Variants in DRC11L observed in about 807,000 individuals in gnomAD.
DRC11L encodes the protein dynein regulatory complex subunit like-11.
the DRC11L span, among the ~76,000 whole-genome samples, chr7:151,199,984 C>T: frequency 6.6e-6 from 1 of 152,222 alleles, no homozygotes; most frequent in Non-Finnish European, 1.5e-5. This position sits in a 1 kb window ranked among gnomAD's most constrained non-coding sequence, Gnocchi z 5.2. Context: ...CCCCACCCAA[C>T]ACAGCCCCTG....
the DRC11L span, chr7:151,196,502 G>A: frequency 4.9e-4 from 197 of 399,598 alleles, no homozygotes; most frequent in East Asian, 6.3e-3. Context: ...GGAGGGTCTC[G>A]GAGTCATAAT....
the DRC11L span, chr7:151,196,890 C>T: frequency 8.8e-4 from 350 of 398,996 alleles, 1 homozygote; most frequent in African/African-American, 6.3e-3. Context: ...CTTCATGGTC[C>T]GTGTGCAGAC....
the DRC11L span, among the ~76,000 whole-genome samples, chr7:151,195,014 G>T: frequency 6.6e-6 from 1 of 152,160 alleles, no homozygotes; most frequent in African/African-American, 2.4e-5. Context: ...ACGTCAAGTC[G>T]CTTGTGAGCT....
chr7:151,197,256 T>C, the DRC11L span: 1 of 399,566 alleles, frequency 2.5e-6, no homozygotes. Context: ...TTTCATCCTT[T>C]CCTTTTTCCT....
the DRC11L span, chr7:151,204,773 C>A: frequency 3.3e-5 from 13 of 398,974 alleles, no homozygotes; most frequent in Non-Finnish European, 5.7e-5. Context: ...CGAGCAGAAG[C>A]TGCTCTTGGT....
At chr7:151,194,132 G>A in the DRC11L span, 1 of 389,050 alleles carries the variant, frequency 2.6e-6, no homozygotes, top group Admixed American at 4.5e-5. Context: ...GGCAGGGCAG[G>A]AGGACCTGGG....
chr7:151,199,057 C>T, the DRC11L span: 1 of 398,748 alleles, frequency 2.5e-6, no homozygotes, highest in East Asian at 3.6e-5. This position sits in a 1 kb window ranked among gnomAD's most constrained non-coding sequence, Gnocchi z 5.2. Flanking sequence ...AACCAGCAAC[C>T]AGTCTGGATG....
chr7:151,202,100 G>A, the DRC11L span, among the ~76,000 whole-genome samples: 5 of 152,338 alleles, frequency 3.3e-5, no homozygotes, highest in African/African-American at 1.2e-4. Flanking sequence ...TTTCTGCAGT[G>A]AGGTGAGACA....
chr7:151,200,392 G>A, the DRC11L span: 1 of 399,016 alleles, frequency 2.5e-6, no homozygotes, highest in South Asian at 1.3e-4. Flanking sequence ...CCATGCCAAT[G>A]AACTCCATCT....
the DRC11L span, among the ~76,000 whole-genome samples, chr7:151,199,594 C>T: frequency 6.6e-6 from 1 of 152,160 alleles, no homozygotes. The surrounding 1 kb of genome is among the most constrained non-coding windows in gnomAD (Gnocchi z 5.2). Context: ...CACTCCCACA[C>T]AGCAGCCCCT....
chr7:151,192,226 G>A, the DRC11L span: 1 of 398,982 alleles, frequency 2.5e-6, no homozygotes, highest in Admixed American at 4.4e-5. Flanking sequence ...TGGGGCGGGA[G>A]GTGGGCAGGC....
At chr7:151,191,290 T>C in the DRC11L span, among the ~76,000 whole-genome samples, 1 of 152,072 alleles carries the variant, frequency 6.6e-6, no homozygotes, top group Non-Finnish European at 1.5e-5. Flanking sequence ...CCCTCTTCCC[T>C]CCACACCTGC....
At chr7:151,202,906 GT>G in the DRC11L span, 1 of 399,724 alleles carries the variant, frequency 2.5e-6, no homozygotes, top group African/African-American at 2.1e-5. Flanking sequence ...GGCACCTAGG[GT>G]TACCTTCTGT....
the DRC11L span, among the ~76,000 whole-genome samples, chr7:151,199,620 C>T: frequency 1.3e-5 from 2 of 152,138 alleles, no homozygotes; most frequent in Non-Finnish European, 2.9e-5. This position sits in a 1 kb window ranked among gnomAD's most constrained non-coding sequence, Gnocchi z 5.2. Context: ...CTCCTTCCTC[C>T]CAAGGCTCCA....
At chr7:151,198,802 A>T in the DRC11L span, 1 of 399,074 alleles carries the variant, frequency 2.5e-6, no homozygotes, top group Non-Finnish European at 4.4e-6. Context: ...ACTGACTGGC[A>T]CTCGATAAAC....
chr7:151,200,563 G>A, the DRC11L span: 8 of 398,098 alleles, frequency 2.0e-5, no homozygotes, highest in East Asian at 7.1e-5. Flanking sequence ...AGAGATTTCC[G>A]GTGGGGTGGG....
the DRC11L span, among the ~76,000 whole-genome samples, chr7:151,196,136 G>T: frequency 1.3e-5 from 2 of 152,246 alleles, no homozygotes; most frequent in Middle Eastern, 3.4e-3. Flanking sequence ...GAGGATGGTG[G>T]GGGGGTGTGG....
the DRC11L span, chr7:151,193,357 C>T: frequency 2.3e-5 from 9 of 399,552 alleles, no homozygotes; most frequent in South Asian, 5.1e-4. Context: ...GCAGGTTTTC[C>T]GGCGACAGGT....
chr7:151,194,220 C>T, the DRC11L span: 1 of 398,800 alleles, frequency 2.5e-6, no homozygotes, highest in Non-Finnish European at 4.4e-6. Flanking sequence ...GGCTGCCTGC[C>T]CAGAGCTGGC....
Sources: gnomAD v4.1 joint callset for allele counts (sites outside exome capture counted in the v4.1 genomes callset) on GRCh38, gnomAD v4.1.1 for gene constraint, Gnocchi (gnomAD v3.1) non-coding constraint, MANE v1.5 for transcripts, NCBI Gene and HGNC (gene_info 2026-07-23, HGNC 2026-07-21) for gene names.